The following ZXDC variants were observed in gnomAD, a reference collection of about 807,000 sequenced individuals.
ZXDC encodes zinc finger protein ZXDC.
In ZXDC, 58 loss-of-function variants were observed where a neutral mutation model predicts 63.6. The ratio of observed to expected loss-of-function variants is 0.91; its 90% CI spans 0.74 to 1.13. ZXDC has a LOEUF of 1.13. Ranked by LOEUF, ZXDC falls within the 50% of genes most tolerant of loss-of-function variation. The pLI is 0.00. For synonymous variants in ZXDC, 561 were observed against 496.1 expected (o/e 1.13, Z -1.74); for missense variants, 1,133 against 1,148.9 (o/e 0.99, Z 0.20).
chr3:126,451,585 C>A (rs1176696401), intron 7 of ZXDC: 1 of 985,324 alleles, frequency 1.0e-6, no homozygotes, highest in Non-Finnish European at 1.2e-6. Context: ...AGCACAAGGA[C>A]GCGCTGTGTG....
intron 7 of ZXDC, among the ~76,000 whole-genome samples, chr3:126,449,287 C>A (rs62264701): frequency 0.013 from 1,904 of 152,266 alleles, 13 homozygotes; most frequent in East Asian, 0.046. Flanking sequence ...ACTTTAATTC[C>A]TGGGCTCAAG....
intron 6 of ZXDC, 101 bp from the exon 7 acceptor site, chr3:126,459,838 G>C (rs931413925): frequency 6.3e-7 from 1 of 1,593,318 alleles, no homozygotes; most frequent in East Asian, 2.2e-5. Context: ...GGACATATCC[G>C]AGCTCCCAAA....
chr3:126,439,719 G>C lies in ZXDC; in HGVS notation c.2403C>G (p.Pro801=). The C allele has an allele frequency of 6.4e-7, 1 of 1,551,206 alleles. No individual in the cohort carries two copies. The highest frequency in any genetic ancestry group is 8.7e-7 in the Non-Finnish European group (1 of 1,146,988). The change falls in exon 9 of 10, where the codon CCC becomes CCG. Residue 801 remains proline (P), a synonymous_variant. Coordinates refer to ENST00000389709, the MANE Select transcript of ZXDC (RefSeq NM_025112.5). ...GVQVQLVQDD[P]SGEGVLPSAR... is the part of the protein sequence containing the mutation. Reference sequence around the variant, plus strand: ...CCGAGGGCAGGACACCTTCGCCGGAGGGGTCATCCTGGGAAGGCAACACAG... The same window carrying C: ...CCGAGGGCAGGACACCTTCGCCGGACGGGTCATCCTGGGAAGGCAACACAG...
intron 7 of ZXDC, chr3:126,452,225 T>C (rs1183016574): frequency 1.0e-6 from 1 of 985,318 alleles, no homozygotes; most frequent in African/African-American, 1.7e-5. Flanking sequence ...TTAGCTACAG[T>C]GCAAATCCTC....
At chr3:126,439,588 G>A in intron 9 of ZXDC, 44 bp downstream of exon 9, 1 of 1,551,198 alleles carries the variant, frequency 6.4e-7, no homozygotes, top group Non-Finnish European at 8.7e-7. Flanking sequence ...CGAAGGCTCT[G>A]CGAGTCTCAA....
chr3:126,442,508 G>A (rs1486103570), intron 7 of ZXDC: 1 of 152,188 alleles, frequency 6.6e-6, no homozygotes, highest in Non-Finnish European at 1.5e-5. Flanking sequence ...TGCTTCAAAA[G>A]GGCCCAAAGG....
At chr3:126,447,917 C>T (rs1247575311) in intron 7 of ZXDC, among the ~76,000 whole-genome samples, 1 of 152,208 alleles carries the variant, frequency 6.6e-6, no homozygotes, top group Non-Finnish European at 1.5e-5. Context: ...ACACAGTGTT[C>T]CTGCATACCA....
In ZXDC at chr3:126,470,899, C is replaced by T. The variant is rs749182175; in HGVS notation, c.1266G>A (p.Val422=). The part of the protein sequence containing the change: ...HLGTKPFECP[V]EGCCARFSAR... ...AAGCAATGTTTTAAAATCTACCTTC[C>T]ACAGGACACTCGAACGGCTTTGTGC... The change falls in exon 4 of 10, where the codon GTG becomes GTA. Residue 422 remains valine (V), a synonymous_variant. Transcript: ENST00000389709. 3 of 1,614,026 alleles carry T rather than the reference C, an allele frequency of 1.9e-6. No homozygotes were observed. The African/African-American group carries it at 4.0e-5, about 22-fold the overall frequency.
At chr3:126,442,542 G>T (rs908713518) in intron 7 of ZXDC, 11 of 152,238 alleles carry the variant, frequency 7.2e-5, no homozygotes, top group African/African-American at 2.4e-4. Flanking sequence ...GCACTGCAGA[G>T]ACCCCGGCTA....
chr3:126,446,474 C>T (rs754006935), intron 7 of ZXDC, among the ~76,000 whole-genome samples: 1 of 152,190 alleles, frequency 6.6e-6, no homozygotes, highest in Non-Finnish European at 1.5e-5. Flanking sequence ...GCATGCCATC[C>T]CCACACCAGT....
At chr3:126,455,498 C>T (rs1396989601) in intron 7 of ZXDC, among the ~76,000 whole-genome samples, 1 of 152,034 alleles carries the variant, frequency 6.6e-6, no homozygotes, top group African/African-American at 2.4e-5. Context: ...GAGGAGGAGT[C>T]GATTCCAGGG....
chr3:126,470,068 G>A (rs754575843), intron 4 of ZXDC, among the ~76,000 whole-genome samples: 3 of 152,212 alleles, frequency 2.0e-5, no homozygotes, highest in Non-Finnish European at 4.4e-5. Flanking sequence ...TGCAGAACTA[G>A]AGTAGGGCCA....
chr3:126,467,085 G>A (rs1401904738), intron 4 of ZXDC, among the ~76,000 whole-genome samples: 1 of 152,152 alleles, frequency 6.6e-6, no homozygotes, highest in Non-Finnish European at 1.5e-5. Context: ...AAGGAAGTCA[G>A]TGCCAACACT....
At chr3:126,459,790 A>G in intron 6 of ZXDC, 53 bp from the exon 7 acceptor site, 1 of 1,613,908 alleles carries the variant, frequency 6.2e-7, no homozygotes, top group South Asian at 1.1e-5. Context: ...AAGGAAGGGT[A>G]GCAAGGGAGC....
Position 126,439,686 on chromosome 3 carries a change from G to A in ZXDC, c.2436C>T (p.Gly812=), listed in dbSNP as rs1251266642. 7 of 1,552,884 alleles carry A rather than the reference G, an allele frequency of 4.5e-6. No individual in the cohort carries two copies. The highest frequency in any genetic ancestry group is 2.7e-5 in the African/African-American group (2 of 73,206). The change falls in exon 9 of 10, where the codon GGC becomes GGT. Residue 812 remains glycine (G), a synonymous_variant. Transcript: ENST00000389709. ...SGEGVLPSAR[G]PATFLPFLTV... ...TGAGGAAGGGGAGGAAGGTGGCTGGGCCGCGGGCCGAGGGCAGGACACCTT... is the reference window on the plus strand; with the variant it reads ...TGAGGAAGGGGAGGAAGGTGGCTGGACCGCGGGCCGAGGGCAGGACACCTT...
At chr3:126,448,762 C>T (rs968783267) in intron 7 of ZXDC, among the ~76,000 whole-genome samples, 5 of 152,366 alleles carry the variant, frequency 3.3e-5, no homozygotes, top group Non-Finnish European at 7.3e-5. Flanking sequence ...TGAGGGTAGA[C>T]GGCCATCGCC....
At chr3:126,457,385 G>A in intron 7 of ZXDC, 2 of 985,436 alleles carry the variant, frequency 2.0e-6, no homozygotes, top group African/African-American at 1.7e-5. Context: ...AGACACCAGT[G>A]CCCTGCATGT....
At position 126,466,167 on chromosome 3, in the gene ZXDC, T is replaced by C. The variant is rs1436836992; in HGVS notation, c.1429A>G (p.Ser477Gly). The change falls in exon 5 of 10, where the codon AGC becomes GGC. Residue 477 changes from serine to glycine, a missense_variant. Coordinates refer to ENST00000389709, the MANE Select transcript of ZXDC (RefSeq NM_025112.5). ...SMKAHMVRQHSRRQDLLPQLE... is the reference protein window; with the variant it reads ...SMKAHMVRQHGRRQDLLPQLE... ...GGAAAGTGCAGACCTTGGCGCCGGC[T>C]GTGCTGTCTGACCATGTGCGCCTTC... 4 of 1,613,340 alleles carry C rather than the reference T, an allele frequency of 2.5e-6. No homozygotes were observed. Among genetic ancestry groups the C allele is most frequent in the Admixed American group, 1.7e-5 (1 of 59,834 alleles).
At chr3:126,472,329 T>C in intron 1 of ZXDC, 24 bp from the exon 2 acceptor site, 1 of 1,593,874 alleles carries the variant, frequency 6.3e-7, no homozygotes, top group South Asian at 1.1e-5. Context: ...ACACAAACCC[T>C]GCTCAAAGCG....
Sources: allele counts gnomAD v4.1 joint callset (sites outside exome capture counted in the v4.1 genomes callset), GRCh38; gene constraint gnomAD v4.1.1; transcripts MANE v1.5; gene names NCBI Gene and HGNC (gene_info 2026-07-23, HGNC 2026-07-21).